Variants in ZNF532 observed in about 807,000 individuals in gnomAD.
The protein encoded by ZNF532 is zinc finger protein 532.
In ZNF532, 22 loss-of-function variants were observed where a neutral mutation model predicts 89.3. The ratio of observed to expected loss-of-function variants is 0.25; its 90% CI spans 0.18 to 0.35. ZNF532 has a LOEUF of 0.35. Ranked by LOEUF, ZNF532 falls within the 10% of genes least tolerant of loss-of-function variation. The probability of loss-of-function intolerance (pLI) is 1.00; values close to 1 mark genes in which losing one functional copy is unlikely to be tolerated. For synonymous variants in ZNF532, 606 were observed against 649.6 expected, an observed-to-expected ratio of 0.93 and a Z score of 1.02; for missense variants, 1,132 against 1,643.4, an observed-to-expected ratio of 0.69 and a Z score of 5.38.
intron 7 of ZNF532, among the ~76,000 whole-genome samples, chr18:58,969,651 A>G (rs957587269): frequency 6.6e-6 from 1 of 152,174 alleles, no homozygotes; most frequent in African/African-American, 2.4e-5. Flanking sequence ...GACTGGAGAA[A>G]GTGACATGTC....
intron 2 of ZNF532, among the ~76,000 whole-genome samples, chr18:58,894,402 G>A (rs1485499649): frequency 6.6e-6 from 1 of 151,186 alleles, no homozygotes; most frequent in Non-Finnish European, 1.5e-5. Flanking sequence ...GAGGGGTGGA[G>A]GTTGCTGTGA....
At chr18:58,967,559 G>A (rs552488183) in intron 7 of ZNF532, among the ~76,000 whole-genome samples, 110 of 151,852 alleles carry the variant, frequency 7.2e-4, no homozygotes, top group African/African-American at 2.6e-3. Context: ...GCACCCTTCC[G>A]TGCACCTGTG....
At chr18:58,945,430 CT>C (rs908715251) in intron 5 of ZNF532, among the ~76,000 whole-genome samples, 2 of 152,178 alleles carry the variant, frequency 1.3e-5, no homozygotes, top group Admixed American at 1.3e-4. Context: ...ACCATTTTCC[CT>C]TTTATATCTG....
chr18:58,956,196 G>T (rs2064758130), intron 7 of ZNF532, among the ~76,000 whole-genome samples: 1 of 152,232 alleles, frequency 6.6e-6, no homozygotes, highest in Non-Finnish European at 1.5e-5. Flanking sequence ...GCAGCAGAGA[G>T]CCCACTCTGA....
chr18:58,944,232 T>A (rs982172698), intron 5 of ZNF532, among the ~76,000 whole-genome samples: 1 of 152,230 alleles, frequency 6.6e-6, no homozygotes, highest in Non-Finnish European at 1.5e-5. Flanking sequence ...TTTATTTATT[T>A]GTTGTGACAC....
At chr18:58,928,169 G>A (rs7240871) in intron 3 of ZNF532, among the ~76,000 whole-genome samples, 90,669 of 151,966 alleles carry the variant, frequency 0.6, 28,474 homozygotes, top group African/African-American at 0.8. Flanking sequence ...GCACCCAGCA[G>A]AGGGTCTGTC....
At chr18:58,965,863 T>G (rs985232141) in intron 7 of ZNF532, among the ~76,000 whole-genome samples, 2 of 152,176 alleles carry the variant, frequency 1.3e-5, no homozygotes, top group Non-Finnish European at 2.9e-5. Context: ...CTGAGCCTTA[T>G]GAGGGACAGA....
chr18:58,895,540 T>C (rs2059187271), intron 2 of ZNF532, among the ~76,000 whole-genome samples: 1 of 152,236 alleles, frequency 6.6e-6, no homozygotes, highest in Non-Finnish European at 1.5e-5. Flanking sequence ...TCTACAAACA[T>C]TCTGGGAGAC....
intron 2 of ZNF532, among the ~76,000 whole-genome samples, chr18:58,915,624 G>C (rs559486849): frequency 6.6e-6 from 1 of 152,180 alleles, no homozygotes; most frequent in Non-Finnish European, 1.5e-5. Context: ...GATTCAGTAC[G>C]GCTGCTGTGC....
In ZNF532 at chr18:58,942,340, TCCCTCCCTC is replaced by T. The variant is rs1568382960; in HGVS notation, c.2705+2722_2705+2730del. Among the ~76,000 whole-genome samples the T allele has an allele frequency of 4.1e-4, 13 of 31,740 alleles. No individual in the cohort carries two copies. In the East Asian group the frequency reaches 0.012, roughly 28 times the overall value. 20.8% of individuals were successfully genotyped at this position (31,740 alleles called of 152,430 possible). A position where few individuals can be genotyped will look rare whatever the true frequency, so the allele number is the denominator to read the frequency against. ...CCTGGCCCCTCCCTCCCTCCCTCCCTCCCTCCCTCCCTTCCTTCCTTCCTTCCTTCCTTC... is the reference window on the plus strand; with the variant it reads ...CCTGGCCCCTCCCTCCCTCCCTCCCTCCTTCCTTCCTTCCTTCCTTCCTTC... On this transcript the variant is annotated intron_variant, in intron 5 of 9. Coordinates refer to ENST00000591808, the MANE Select transcript of ZNF532 (RefSeq NM_001375912.1).
intron 7 of ZNF532, among the ~76,000 whole-genome samples, chr18:58,955,750 T>C (rs192322306): frequency 2.6e-5 from 4 of 152,390 alleles, no homozygotes; most frequent in African/African-American, 7.2e-5. Context: ...AGAATATATT[T>C]GGCTTTAGTG....
At chr18:58,892,982 CTTTTTTTT>C (rs58108717) in intron 2 of ZNF532, among the ~76,000 whole-genome samples, 5 of 135,292 alleles carry the variant, frequency 3.7e-5, no homozygotes, top group Admixed American at 3.0e-4. Flanking sequence ...TTTGTACTTT[CTTTTTTTT>C]TTTTTTTTTG....
chr18:58,887,814 G>GGTCA (rs1458823208), intron 2 of ZNF532, among the ~76,000 whole-genome samples: 1 of 152,100 alleles, frequency 6.6e-6, no homozygotes, highest in Non-Finnish European at 1.5e-5. Flanking sequence ...GGCGAGCTGC[G>GGTCA]GTCAGTGCCA....
intron 2 of ZNF532, among the ~76,000 whole-genome samples, chr18:58,908,809 T>C (rs567459132): frequency 6.6e-6 from 1 of 152,372 alleles, no homozygotes; most frequent in South Asian, 2.1e-4. Context: ...CTCATTAGCA[T>C]AATAGTGGCT....
chr18:58,877,650 C>T (rs1276734927), intron 2 of ZNF532, among the ~76,000 whole-genome samples: 1 of 152,156 alleles, frequency 6.6e-6, no homozygotes, highest in Non-Finnish European at 1.5e-5. Flanking sequence ...ATTTATTAAT[C>T]GTTGGCTAAG....
intron 6 of ZNF532, 171 bp from the exon 7 acceptor site, chr18:58,953,347 T>C (rs1454288544): frequency 1.7e-6 from 1 of 603,678 alleles, no homozygotes; most frequent in Non-Finnish European, 2.8e-6. Context: ...AGCAGACTTT[T>C]ATCTCTTTTG....
intron 2 of ZNF532, among the ~76,000 whole-genome samples, chr18:58,889,960 A>G (rs1017090902): frequency 2.0e-5 from 3 of 151,602 alleles, no homozygotes; most frequent in South Asian, 2.1e-4. Flanking sequence ...ATGCACCTGT[A>G]TAGTCCCAGC....
At chr18:58,863,061 CCAT>C (rs886857805), upstream of ZNF532, 10 of 152,342 alleles carry the variant, frequency 6.6e-5, no homozygotes, top group African/African-American at 2.4e-4. Context: ...TACTCATTTG[CCAT>C]CATTACGAGG....
At chr18:58,957,785 C>T (rs1158393558) in intron 7 of ZNF532, among the ~76,000 whole-genome samples, 2 of 152,018 alleles carry the variant, frequency 1.3e-5, no homozygotes, top group Non-Finnish European at 2.9e-5. Context: ...CAGAACTGGC[C>T]GGGCATGGTG....
Sources: gnomAD v4.1 joint callset for allele counts (sites outside exome capture counted in the v4.1 genomes callset) on GRCh38, gnomAD v4.1.1 for gene constraint, MANE v1.5 for transcripts, NCBI Gene and HGNC (gene_info 2026-07-23, HGNC 2026-07-21) for gene names.